CCDC170: variants seen among roughly 807,000 people sequenced by gnomAD.
CCDC170 encodes coiled-coil domain-containing protein 170.
Under a neutral mutation model 72.6 loss-of-function variants are expected in CCDC170, and 69 were observed. That is an observed-to-expected ratio of 0.95 (90% CI 0.78 to 1.16). The LOEUF (loss-of-function observed/expected upper bound fraction) is 1.16. CCDC170 is among the 50% of genes most tolerant of loss of function. The pLI, the probability that CCDC170 is intolerant of heterozygous loss-of-function variation, is 0.00. For missense variants in CCDC170, 852 were observed against 832.5 expected (o/e 1.02, Z -0.29); for synonymous variants, 300 against 303.9 (o/e 0.99, Z 0.13).
intron 1 of CCDC170, among the ~76,000 whole-genome samples, chr6:151,501,023 A>T (rs1319638408): frequency 6.6e-6 from 1 of 152,176 alleles, no homozygotes; most frequent in Non-Finnish European, 1.5e-5. Flanking sequence ...ACCCAAGGGA[A>T]TAAATGCCTT....
chr6:151,507,233 T>C (rs1175745242), intron 1 of CCDC170, among the ~76,000 whole-genome samples: 1 of 152,134 alleles, frequency 6.6e-6, no homozygotes, highest in African/African-American at 2.4e-5. Context: ...GAGACAGGGC[T>C]GACCAATCCA....
At chr6:151,521,712 G>T (rs571525216) in intron 1 of CCDC170, among the ~76,000 whole-genome samples, 1 of 152,274 alleles carries the variant, frequency 6.6e-6, no homozygotes, top group Admixed American at 6.5e-5. Flanking sequence ...GGCCAGGCGT[G>T]GTGGCTCACG....
At chr6:151,554,585 C>T (rs1782942931) in intron 5 of CCDC170, among the ~76,000 whole-genome samples, 3 of 152,066 alleles carry the variant, frequency 2.0e-5, no homozygotes, top group Non-Finnish European at 2.9e-5. Flanking sequence ...ATTAGCCAAG[C>T]GTGTGGTGGG....
In CCDC170 at chr6:151,558,096, TTAAA is replaced by T. The variant is rs374360621; in HGVS notation, c.774+9628_774+9631del. ...CCTGGTGACAGATCGAGACTCTATC[TTAAA>T]TAAATAAATAAATAAATAAACCTTT... On this transcript the variant is annotated intron_variant, in intron 5 of 10. Coordinates refer to ENST00000239374, the MANE Select transcript of CCDC170 (RefSeq NM_025059.4). Among the ~76,000 whole-genome samples, 239 of 152,208 alleles carry T rather than the reference TTAAA, an allele frequency of 1.6e-3. 1 individual carries two copies. The highest frequency in any genetic ancestry group is 5.3e-3 in the African/African-American group (222 of 41,552).
intron 1 of CCDC170, among the ~76,000 whole-genome samples, chr6:151,503,152 G>A (rs1315259002): frequency 1.3e-5 from 2 of 152,078 alleles, no homozygotes; most frequent in Non-Finnish European, 2.9e-5. Flanking sequence ...CCTCTGGCCT[G>A]GCGACAGGGC....
chr6:151,520,089 T>C (rs537599005), intron 1 of CCDC170, among the ~76,000 whole-genome samples: 1 of 152,348 alleles, frequency 6.6e-6, no homozygotes, highest in South Asian at 2.1e-4. Flanking sequence ...ATGGAGCCAC[T>C]CTGGTTCCAA....
chr6:151,554,203 C>T (rs968387764), intron 5 of CCDC170, among the ~76,000 whole-genome samples: 1 of 152,098 alleles, frequency 6.6e-6, no homozygotes, highest in Non-Finnish European at 1.5e-5. Flanking sequence ...TGAGGAATAA[C>T]CTATTTGAGG....
chr6:151,532,322 C>A (rs940139612), intron 1 of CCDC170, among the ~76,000 whole-genome samples: 1 of 152,086 alleles, frequency 6.6e-6, no homozygotes, highest in Non-Finnish European at 1.5e-5. Context: ...AATAAGACTT[C>A]TTGGCTGGGC....
At chr6:151,571,164 G>A (rs1025755403) in intron 5 of CCDC170, among the ~76,000 whole-genome samples, 1 of 152,134 alleles carries the variant, frequency 6.6e-6, no homozygotes, top group African/African-American at 2.4e-5. Flanking sequence ...TTAATGGAGA[G>A]AAATTTCTTT....
At chr6:151,554,429 A>G (rs1257531614) in intron 5 of CCDC170, among the ~76,000 whole-genome samples, 1 of 152,220 alleles carries the variant, frequency 6.6e-6, no homozygotes, top group Non-Finnish European at 1.5e-5. Flanking sequence ...AGTATGTAAG[A>G]GAGACACTGC....
At chr6:151,562,168 G>A (rs550568250) in intron 5 of CCDC170, among the ~76,000 whole-genome samples, 2 of 152,026 alleles carry the variant, frequency 1.3e-5, no homozygotes, top group African/African-American at 2.4e-5. Flanking sequence ...TCTCTCAGAT[G>A]TTATTGAGTT....
chr6:151,543,592 A>G (rs1562277059), intron 3 of CCDC170, among the ~76,000 whole-genome samples: 1 of 152,192 alleles, frequency 6.6e-6, no homozygotes, highest in Admixed American at 6.5e-5. Flanking sequence ...ATAAGTTTAT[A>G]GCCATTGACT....
intron 6 of CCDC170, among the ~76,000 whole-genome samples, chr6:151,575,880 G>T (rs1404778205): frequency 6.6e-6 from 1 of 152,090 alleles, no homozygotes; most frequent in Non-Finnish European, 1.5e-5. Context: ...GTGCTCATTG[G>T]CTGTCCTCCA....
At chr6:151,545,210 A>G (rs1230317165) in intron 4 of CCDC170, among the ~76,000 whole-genome samples, 2 of 152,158 alleles carry the variant, frequency 1.3e-5, no homozygotes, top group Non-Finnish European at 2.9e-5. Flanking sequence ...ACCTGAGGTC[A>G]GGGGTTTGAG....
At chr6:151,552,277 A>G (rs1198110685) in intron 5 of CCDC170, among the ~76,000 whole-genome samples, 2 of 150,698 alleles carry the variant, frequency 1.3e-5, no homozygotes, top group East Asian at 2.0e-4. Context: ...GCTGGTGACG[A>G]TAAGTTTGAC....
chr6:151,522,138 T>G (rs1782328256), intron 1 of CCDC170, among the ~76,000 whole-genome samples: 1 of 151,818 alleles, frequency 6.6e-6, no homozygotes. Context: ...CCAGCCTGGG[T>G]GACAAGAGTG....
chr6:151,579,459 G>A (rs111818668), intron 6 of CCDC170, among the ~76,000 whole-genome samples: 127 of 152,326 alleles, frequency 8.3e-4, no homozygotes, highest in African/African-American at 2.9e-3. Flanking sequence ...AGGGCTCTCA[G>A]CTGTTTTCTT....
At chr6:151,557,915 A>G (rs1049939704) in intron 5 of CCDC170, among the ~76,000 whole-genome samples, 5 of 152,176 alleles carry the variant, frequency 3.3e-5, no homozygotes, top group African/African-American at 1.2e-4. Flanking sequence ...CCTGGCCAAC[A>G]TGGCCAAACT....
At chr6:151,514,361 G>GA (rs1176325727) in intron 1 of CCDC170, among the ~76,000 whole-genome samples, 105 of 88,182 alleles carry the variant, frequency 1.2e-3, no homozygotes, top group East Asian at 2.6e-3. Flanking sequence ...GGGAGGGAGG[G>GA]AGGGAGGGAG....
Sources: gnomAD v4.1 joint callset for allele counts (sites outside exome capture counted in the v4.1 genomes callset) on GRCh38, gnomAD v4.1.1 for gene constraint, MANE v1.5 for transcripts, NCBI Gene and HGNC (gene_info 2026-07-23, HGNC 2026-07-21) for gene names.